The following TMC1 variants were observed in gnomAD, a reference collection of about 807,000 sequenced individuals.
TMC1 encodes transmembrane channel like 1.
In TMC1, 84 loss-of-function variants were observed where a neutral mutation model predicts 105.8. The ratio of observed to expected loss-of-function variants is 0.79; its 90% CI spans 0.67 to 0.95. The LOEUF (loss-of-function observed/expected upper bound fraction) is 0.95, where lower values mean the gene tolerates loss of function less well. Among genes scored for constraint, TMC1 ranks in the 40% least tolerant of loss-of-function variants. The probability of loss-of-function intolerance (pLI) is 0.00; values close to 1 mark genes in which losing one functional copy is unlikely to be tolerated. For missense variants in TMC1, 817 were observed against 914.1 expected (o/e 0.89, Z 1.37); for synonymous variants, 315 against 311.5 (o/e 1.01, Z -0.12).
rs12552112 is a variant in TMC1, at chr9:72,834,047, G to A, written c.2261-1904G>A. The stretch of plus-strand genomic sequence containing the variant: ...TTTCTGTTTTTTTTTTTTTCATGTA[G>A]AATTTCTAATTTATTTTTCATCCTT... On this transcript the variant is annotated intron_variant, in intron 23 of 23. Transcript: ENST00000297784. 4.1e-3 allele frequency among the ~76,000 whole-genome samples: 601 copies of A among 146,622 alleles called. 6 individuals are homozygous for A. The highest frequency in any genetic ancestry group is 0.015 in the African/African-American group (574 of 39,516).
intron 8 of TMC1, among the ~76,000 whole-genome samples, chr9:72,730,116 AGT>A (rs1438383861): frequency 1.3e-5 from 2 of 152,180 alleles, no homozygotes; most frequent in African/African-American, 4.8e-5. Context: ...CAAACATGAG[AGT>A]GTTTCTTCCT....
At chr9:72,585,030 A>G (rs985162778) in intron 2 of TMC1, among the ~76,000 whole-genome samples, 1 of 151,418 alleles carries the variant, frequency 6.6e-6, no homozygotes, top group Non-Finnish European at 1.5e-5. Flanking sequence ...AGTGATCTGC[A>G]CACCTCGACC....
At chr9:72,828,044 A>C (rs1828984649) in intron 21 of TMC1, among the ~76,000 whole-genome samples, 2 of 152,162 alleles carry the variant, frequency 1.3e-5, no homozygotes, top group Admixed American at 1.3e-4. Flanking sequence ...TAGACAAGAG[A>C]GAGAGTAAAA....
intron 1 of TMC1, among the ~76,000 whole-genome samples, chr9:72,553,591 C>A (rs2132073555): frequency 6.6e-6 from 1 of 152,258 alleles, no homozygotes; most frequent in East Asian, 1.9e-4. Context: ...CATATTTTAT[C>A]AGAGTTTGCC....
intron 5 of TMC1, among the ~76,000 whole-genome samples, chr9:72,676,320 T>C (rs150933347): frequency 6.6e-6 from 1 of 152,266 alleles, no homozygotes; most frequent in East Asian, 1.9e-4. Flanking sequence ...AAGAAAAAGC[T>C]CAAAGTAGTT....
chr9:72,772,620 TGGG>T, intron 13 of TMC1, 65 bp downstream of exon 13: 1 of 1,599,994 alleles, frequency 6.3e-7, no homozygotes, highest in East Asian at 2.2e-5. Context: ...GGGATTAATT[TGGG>T]GATTGGATAT....
intron 12 of TMC1, among the ~76,000 whole-genome samples, chr9:72,758,611 C>A (rs1482134252): frequency 6.6e-6 from 1 of 152,050 alleles, no homozygotes; most frequent in Non-Finnish European, 1.5e-5. Flanking sequence ...CCACAGACAG[C>A]CGTGGGCTGT....
intron 15 of TMC1, among the ~76,000 whole-genome samples, chr9:72,789,595 A>T (rs1828231070): frequency 1.3e-5 from 2 of 152,368 alleles, no homozygotes; most frequent in South Asian, 4.1e-4. Context: ...GATGGGAATG[A>T]TAAATCTCAA....
chr9:72,834,131 AT>A (rs1011431766), intron 23 of TMC1, among the ~76,000 whole-genome samples: 1 of 148,646 alleles, frequency 6.7e-6, no homozygotes, highest in Non-Finnish European at 1.5e-5. Flanking sequence ...AAATTTTAAC[AT>A]TTCTCTTGGC....
At position 72,794,409 on chromosome 9, in the gene TMC1, C is replaced by T. The variant is rs184887851; in HGVS notation, c.1566+2057C>T. 7.8e-4 allele frequency among the ~76,000 whole-genome samples: 119 copies of T among 152,200 alleles called. 3 individuals carry two copies. In the East Asian group the frequency reaches 0.021, roughly 27 times the overall value. ...GAGAGGGAACATGGCTGCAACTGTG[C>T]GGCAACACAGGGGAGCCTCACAACC... On this transcript the variant is annotated intron_variant, in intron 17 of 23. Coordinates refer to ENST00000297784, the MANE Select transcript of TMC1 (RefSeq NM_138691.3).
At chr9:72,641,911 G>A (rs924839758) in intron 4 of TMC1, among the ~76,000 whole-genome samples, 6 of 143,440 alleles carry the variant, frequency 4.2e-5, no homozygotes, top group East Asian at 4.3e-4. Context: ...TCCACCTCCC[G>A]GGTTCAAGTG....
At chr9:72,555,785 T>C (rs1439288119) in intron 1 of TMC1, among the ~76,000 whole-genome samples, 1 of 151,684 alleles carries the variant, frequency 6.6e-6, no homozygotes, top group Non-Finnish European at 1.5e-5. Context: ...CACGCCTGGC[T>C]AATTTTTTTG....
Position 72,788,493 on chromosome 9 carries a change from C to T in TMC1, c.1029+10C>T, listed in dbSNP as rs1301121532. The T allele has an allele frequency of 2.5e-6, 4 of 1,613,784 alleles. No individual in the cohort carries two copies. The highest frequency in any genetic ancestry group is 1.6e-4 in the Middle Eastern group (1 of 6,084). ...CACAATGAACTTTAAGGTAGAGGCA[C>T]CAACTTCAAAAACCTGCTGTTTGTA... On this transcript the variant is annotated intron_variant, in intron 14 of 23. Coordinates refer to ENST00000297784, the MANE Select transcript of TMC1 (RefSeq NM_138691.3).
intron 1 of TMC1, among the ~76,000 whole-genome samples, chr9:72,522,302 C>T (rs1409791055): frequency 3.9e-5 from 6 of 152,046 alleles, no homozygotes; most frequent in African/African-American, 1.4e-4. Context: ...GGGGTTTCGC[C>T]GTGTTAGCCA....
chr9:72,677,886 T>G (rs1826227061), intron 5 of TMC1, among the ~76,000 whole-genome samples: 1 of 152,120 alleles, frequency 6.6e-6, no homozygotes, highest in African/African-American at 2.4e-5. Context: ...TGAATGGTGT[T>G]TAGCCTGATG....
intron 5 of TMC1, among the ~76,000 whole-genome samples, chr9:72,660,744 G>A (rs915610173): frequency 2.0e-5 from 3 of 152,054 alleles, no homozygotes; most frequent in African/African-American, 4.8e-5. Context: ...TCAAAATTAC[G>A]AAGTATCCCA....
chr9:72,601,195 GACAC>G (rs71357599), intron 2 of TMC1, among the ~76,000 whole-genome samples: 19 of 93,696 alleles, frequency 2.0e-4, no homozygotes, highest in East Asian at 3.5e-4. Flanking sequence ...CACACACACA[GACAC>G]ACACACACAC....
At chr9:72,527,814 C>T (rs976386664) in intron 1 of TMC1, among the ~76,000 whole-genome samples, 6 of 152,218 alleles carry the variant, frequency 3.9e-5, no homozygotes, top group African/African-American at 1.4e-4. Flanking sequence ...GCCTCTATCG[C>T]CTAGGCTCTC....
chr9:72,718,194 T>C (rs1427249370), intron 8 of TMC1, among the ~76,000 whole-genome samples: 5 of 152,206 alleles, frequency 3.3e-5, no homozygotes, highest in Non-Finnish European at 5.9e-5. Context: ...TCTGAATTTT[T>C]TTTTCTGGCA....
Sources: allele counts gnomAD v4.1 joint callset (sites outside exome capture counted in the v4.1 genomes callset), GRCh38; gene constraint gnomAD v4.1.1; transcripts MANE v1.5; gene names NCBI Gene and HGNC (gene_info 2026-07-23, HGNC 2026-07-21).